The following EIF2AK4 variants were observed in gnomAD, a reference collection of about 807,000 sequenced individuals.
The protein encoded by EIF2AK4 is eIF-2-alpha kinase GCN2.
In EIF2AK4, 139 loss-of-function variants were observed where a neutral mutation model predicts 211.1. That is an observed-to-expected ratio of 0.66 (90% CI 0.57 to 0.76). The LOEUF is 0.76. Among genes scored for constraint, EIF2AK4 ranks in the 30% least tolerant of loss-of-function variants. EIF2AK4 has a pLI of 0.00. For synonymous variants in EIF2AK4, 710 were observed against 751.3 expected (o/e 0.94, Z 0.90); for missense variants, 1,664 against 2,043.8 (o/e 0.81, Z 3.58).
Position 39,939,557 on chromosome 15 carries a change from G to A in EIF2AK4, c.197G>A (p.Gly66Asp), listed in dbSNP as rs185391892. 8 of 1,613,036 alleles carry A rather than the reference G, an allele frequency of 5.0e-6. No homozygotes were observed. The African/African-American group carries it at 9.3e-5, about 19-fold the overall frequency. Residue 66 changes from glycine (G) to aspartate (D), a missense_variant, in exon 2 of 39, where the codon GGT becomes GAT. Physicochemically the swap from Gly to Asp is moderately conservative, Grantham distance 94. Around this residue, in one of 7 missense-constraint regions of EIF2AK4, gnomAD observed 641 missense variants for 729.6 expected, o/e 0.88. Coordinates refer to ENST00000263791, the MANE Select transcript of EIF2AK4 (RefSeq NM_001013703.4). The stretch of plus-strand genomic sequence containing the variant: ...GTTTTGTACCCTCAAGGCCTAACTG[G>A]TGAAGAAGTATATGTAAAAGTGGAT... ...NLVLYPQGLT[G>D]EEVYVKVDLR...
chr15:39,947,423 A>T (rs1021535134), intron 3 of EIF2AK4, among the ~76,000 whole-genome samples: 1 of 152,204 alleles, frequency 6.6e-6, no homozygotes, highest in Non-Finnish European at 1.5e-5. Context: ...TTTAATCTAT[A>T]CACAGCTCTT....
Position 40,029,395 on chromosome 15 carries a change from C to G in EIF2AK4, c.4503-11C>G. 6.2e-7 allele frequency: 1 copy of G among 1,611,780 alleles called. No homozygotes were observed. ...ACTGTTCTTTAATTGTTTTTGTTTGCTTGTTTTTAGAGAAGCTTCCGATAA... is the reference window on the plus strand; with the variant it reads ...ACTGTTCTTTAATTGTTTTTGTTTGGTTGTTTTTAGAGAAGCTTCCGATAA... On this transcript the variant is annotated splice_polypyrimidine_tract_variant and intron_variant, in intron 33 of 38. Transcript: ENST00000263791.
chr15:39,974,092 C>T (rs2034661629), intron 11 of EIF2AK4: 1 of 164,358 alleles, frequency 6.1e-6, no homozygotes, highest in East Asian at 1.7e-4. Context: ...CTCCTGTTTG[C>T]TGTTAGAGTT....
chr15:39,963,790 C>T (rs1462377567), intron 7 of EIF2AK4, among the ~76,000 whole-genome samples: 1 of 152,120 alleles, frequency 6.6e-6, no homozygotes, highest in East Asian at 1.9e-4. Flanking sequence ...TTATTCCCAT[C>T]ATGAAAAACT....
At chr15:39,945,480 T>C (rs748522676) in intron 3 of EIF2AK4, among the ~76,000 whole-genome samples, 55 of 152,144 alleles carry the variant, frequency 3.6e-4, no homozygotes, top group Non-Finnish European at 7.4e-5. Flanking sequence ...AGAAGAAAAG[T>C]TAAAAGGTAG....
At chr15:40,011,410 A>G in intron 27 of EIF2AK4, 64 bp downstream of exon 27, 3 of 1,438,536 alleles carry the variant, frequency 2.1e-6, no homozygotes, top group Non-Finnish European at 2.9e-6. Context: ...AGAAAATGTC[A>G]TCAAATTCTC....
chr15:40,022,297 G>C, intron 31 of EIF2AK4: 1 of 450,268 alleles, frequency 2.2e-6, no homozygotes, highest in Non-Finnish European at 4.0e-6. Context: ...GATTATTCAT[G>C]GCCCTTTAAA....
At chr15:39,972,808 T>C in intron 9 of EIF2AK4, 100 bp from the exon 10 acceptor site, 1 of 852,538 alleles carries the variant, frequency 1.2e-6, no homozygotes. Flanking sequence ...AATTCTATAA[T>C]GTGTATCTTT....
At chr15:39,952,757 T>C (rs753253548) in intron 4 of EIF2AK4, among the ~76,000 whole-genome samples, 3 of 152,340 alleles carry the variant, frequency 2.0e-5, no homozygotes, top group Admixed American at 6.5e-5. Context: ...CACTGTCTTT[T>C]TGTAGGTGCC....
chr15:39,981,806 C>A (rs1050385693), intron 13 of EIF2AK4, among the ~76,000 whole-genome samples: 1 of 151,630 alleles, frequency 6.6e-6, no homozygotes, highest in African/African-American at 2.4e-5. Flanking sequence ...CTGTTGGGGA[C>A]AAACAGAGTA....
intron 33 of EIF2AK4, among the ~76,000 whole-genome samples, chr15:40,028,007 T>A (rs1266106224): frequency 6.6e-6 from 1 of 152,052 alleles, no homozygotes; most frequent in African/African-American, 2.4e-5. Context: ...AATTTTTAAT[T>A]GTAGTTTTGG....
At chr15:40,001,568 A>C (rs1595421172) in intron 21 of EIF2AK4, among the ~76,000 whole-genome samples, 1 of 136,820 alleles carries the variant, frequency 7.3e-6, no homozygotes, top group Non-Finnish European at 1.5e-5. Context: ...AGGCAGGCGG[A>C]GGTTGCAGAG....
rs1388053901 is a variant in EIF2AK4, at chr15:39,961,869, C to G, written c.829C>G (p.Gln277Glu). The change falls in exon 7 of 39, where the codon CAG (glutamine) becomes GAG (glutamate). Residue 277 changes from glutamine to glutamate, a missense_variant. Coordinates refer to ENST00000263791, the MANE Select transcript of EIF2AK4 (RefSeq NM_001013703.4). ...ILYFNMGSPD[Q>E]LMVHKGKCIG... ...GTATTTCAATATGGGGAGTCCTGATCAGCTCATGGTGCACAAAGGGAAATG... is the reference window on the plus strand; with the variant it reads ...GTATTTCAATATGGGGAGTCCTGATGAGCTCATGGTGCACAAAGGGAAATG... The G allele has an allele frequency of 1.9e-6, 3 of 1,613,980 alleles. No homozygotes were observed. Among genetic ancestry groups the G allele is most frequent in the Admixed American group, 1.7e-5 (1 of 60,012 alleles).
intron 13 of EIF2AK4, among the ~76,000 whole-genome samples, chr15:39,983,767 A>G (rs1162928927): frequency 6.6e-6 from 1 of 152,180 alleles, no homozygotes; most frequent in East Asian, 1.9e-4. Flanking sequence ...TGTCAGATGG[A>G]CAGATTGCAA....
At chr15:39,993,309 T>A (rs116555373) in intron 18 of EIF2AK4, among the ~76,000 whole-genome samples, 9,968 of 152,238 alleles carry the variant, frequency 0.065, 427 homozygotes, top group East Asian at 0.22. Flanking sequence ...GCTCCAGCCC[T>A]CAGGGAGCTT....
At chr15:40,033,757 T>C (rs2035574656) in intron 37 of EIF2AK4, among the ~76,000 whole-genome samples, 3 of 152,220 alleles carry the variant, frequency 2.0e-5, no homozygotes, top group Non-Finnish European at 4.4e-5. Context: ...CCGGGTGCAG[T>C]GGCTCACGCC....
In EIF2AK4 at chr15:40,002,729, G is replaced by A. The variant is rs532787493; in HGVS notation, c.3176G>A (p.Arg1059His). ...CTGTTTTAGGGCAACTTCTCAATCC[G>A]TACAGCCAAGATGCAGCAGCATGTG... Reference protein sequence around the residue: ...SDILKGNFSIRTAKMQQHVCE... With the variant: ...SDILKGNFSIHTAKMQQHVCE... The change falls in exon 22 of 39, where the codon CGT (arginine) becomes CAT (histidine). Residue 1059 changes from arginine to histidine, a missense_variant. Coordinates refer to ENST00000263791, the MANE Select transcript of EIF2AK4 (RefSeq NM_001013703.4). The A allele has an allele frequency of 9.5e-5, 153 of 1,614,124 alleles. No homozygotes were observed. Among genetic ancestry groups the A allele is most frequent in the South Asian group, 3.4e-4 (31 of 91,078 alleles).
Position 39,967,342 on chromosome 15 carries a change from A to G in EIF2AK4, c.1018-2A>G. On this transcript the variant is annotated splice_acceptor_variant, in intron 8 of 38. Transcript: ENST00000263791. LOFTEE classifies it high-confidence loss of function. Reference sequence around the variant, plus strand: ...TCTTTTTTTTTTTTTTTAACTTATCAGATTCAAGGAACAGAAACAGAATTC... The same window carrying G: ...TCTTTTTTTTTTTTTTTAACTTATCGGATTCAAGGAACAGAAACAGAATTC... The G allele has an allele frequency of 6.5e-7, 1 of 1,545,492 alleles. No homozygotes were observed. The highest frequency in any genetic ancestry group is 8.8e-7 in the Non-Finnish European group (1 of 1,142,066).
intron 16 of EIF2AK4, chr15:39,991,722 G>C: frequency 6.3e-6 from 1 of 159,366 alleles, no homozygotes; most frequent in Non-Finnish European, 1.4e-5. Flanking sequence ...AGGCTACCTG[G>C]GGGGCATTAG....
Sources: gnomAD v4.1 joint callset for allele counts (sites outside exome capture counted in the v4.1 genomes callset) on GRCh38, gnomAD v4.1.1 for gene constraint, gnomAD v4.1.1 regional missense constraint, MANE v1.5 for transcripts, NCBI Gene and HGNC (gene_info 2026-07-23, HGNC 2026-07-21) for gene names.